PPP1R8: variants seen among roughly 807,000 people sequenced by gnomAD.
The protein encoded by PPP1R8 is nuclear inhibitor of protein phosphatase 1.
Under a neutral mutation model 31.3 loss-of-function variants are expected in PPP1R8, and 4 were observed. The observed-to-expected ratio is 0.13, with a 90% confidence interval of 0.06 to 0.29. The LOEUF is 0.29. Among genes scored for constraint, PPP1R8 ranks in the 10% least tolerant of loss-of-function variants. The probability of loss-of-function intolerance (pLI) is 1.00; values close to 1 mark genes in which losing one functional copy is unlikely to be tolerated. For missense variants in PPP1R8, 254 were observed against 440.1 expected, an observed-to-expected ratio of 0.58 and a Z score of 3.78; for synonymous variants, 170 against 169.7, an observed-to-expected ratio of 1.00 and a Z score of -0.01.
At chr1:27,831,470 G>T in intron 1 of PPP1R8, 1 of 555,762 alleles carries the variant, frequency 1.8e-6, no homozygotes, top group Non-Finnish European at 2.3e-6. Context: ...GAAAGTTCTT[G>T]GGAATAATGA....
chr1:27,848,996 C>G (rs566361092), intron 6 of PPP1R8, among the ~76,000 whole-genome samples: 13 of 152,316 alleles, frequency 8.5e-5, no homozygotes, highest in African/African-American at 2.9e-4. Context: ...TAGCCCTTTG[C>G]AGCAGCCCAC....
At chr1:27,839,758 G>T (rs761788401) in intron 3 of PPP1R8, among the ~76,000 whole-genome samples, 6 of 151,698 alleles carry the variant, frequency 4.0e-5, no homozygotes, top group Non-Finnish European at 8.8e-5. Context: ...AATAATACCA[G>T]TTTTAATTCC....
chr1:27,836,635 G>A (rs2089168937), intron 2 of PPP1R8, among the ~76,000 whole-genome samples: 1 of 152,092 alleles, frequency 6.6e-6, no homozygotes, highest in African/African-American at 2.4e-5. Flanking sequence ...AGCCAGGATG[G>A]TTTTGATCTC....
intron 4 of PPP1R8, among the ~76,000 whole-genome samples, chr1:27,842,665 G>A: frequency 6.6e-6 from 1 of 152,154 alleles, no homozygotes; most frequent in Non-Finnish European, 1.5e-5. Flanking sequence ...GACACAGGAT[G>A]GGGCATGACA....
intron 3 of PPP1R8, among the ~76,000 whole-genome samples, chr1:27,840,083 A>G (rs1404668331): frequency 4.6e-5 from 7 of 152,174 alleles, no homozygotes; most frequent in Non-Finnish European, 1.5e-5. Flanking sequence ...AAAATACTCC[A>G]TAAGTATTAA....
intron 6 of PPP1R8, 24 bp from the exon 7 acceptor site, chr1:27,850,069 C>A: frequency 6.6e-7 from 1 of 1,524,976 alleles, no homozygotes; most frequent in South Asian, 1.3e-5. Context: ...CCAATCTCTC[C>A]CCTCTCCTCA....
intron 1 of PPP1R8, chr1:27,831,230 G>T (rs888603492): frequency 3.8e-6 from 4 of 1,066,446 alleles, no homozygotes; most frequent in Non-Finnish European, 3.4e-6. Flanking sequence ...GTGGAGCATC[G>T]CATCTGGCCC....
chr1:27,839,668 G>A (rs973255475), intron 3 of PPP1R8, among the ~76,000 whole-genome samples: 1 of 152,208 alleles, frequency 6.6e-6, no homozygotes, highest in African/African-American at 2.4e-5. Context: ...CAGCAACATA[G>A]GGCATTTTAA....
chr1:27,838,610 T>C (rs2089193702), intron 2 of PPP1R8, 89 bp from the exon 3 acceptor site: 1 of 833,514 alleles, frequency 1.2e-6, no homozygotes, highest in African/African-American at 1.8e-5. Context: ...AAAGGAATTT[T>C]ATCTACTCAA....
chr1:27,837,106 CT>C (rs1207726871), intron 2 of PPP1R8, among the ~76,000 whole-genome samples: 4 of 151,906 alleles, frequency 2.6e-5, no homozygotes, highest in Non-Finnish European at 5.9e-5. Context: ...CCAACAGAAC[CT>C]TTTTTCAGAA....
At chr1:27,848,617 AT>A (rs1031735572) in intron 6 of PPP1R8, among the ~76,000 whole-genome samples, 2 of 152,146 alleles carry the variant, frequency 1.3e-5, no homozygotes, top group African/African-American at 4.8e-5. Flanking sequence ...TAAAAAAAAA[AT>A]CTCTAAAATA....
Position 27,835,390 on chromosome 1 carries a change from C to G in PPP1R8, c.117+2574C>G, listed in dbSNP as rs545913192. ...CTCTCTCTTAATCCTGAAATAATGT[C>G]TTATTTTTAACTCAAGTCTTAAAAA... On this transcript the variant is annotated intron_variant, in intron 2 of 6. Coordinates refer to ENST00000311772, the MANE Select transcript of PPP1R8 (RefSeq NM_014110.5). Among the ~76,000 whole-genome samples, 74 of 152,296 alleles carry G rather than the reference C, an allele frequency of 4.9e-4. 1 individual carries two copies. In the South Asian group the frequency reaches 0.014, roughly 30 times the overall value.
chr1:27,840,857 A>G (rs2089215805), intron 3 of PPP1R8, among the ~76,000 whole-genome samples, 157 bp from the exon 4 acceptor site: 1 of 152,168 alleles, frequency 6.6e-6, no homozygotes, highest in Admixed American at 6.6e-5. Context: ...GATCCTGACT[A>G]TGGCATTTTT....
At position 27,840,871 on chromosome 1, in the gene PPP1R8, ATAAAT is replaced by A. The variant is rs374744327; in HGVS notation, c.272-138_272-134del. 12 of 796,410 alleles carry A rather than the reference ATAAAT, an allele frequency of 1.5e-5. No homozygotes were observed. The African/African-American group carries it at 1.7e-4, about 11-fold the overall frequency. The allele number at this position is 796,410 out of a possible 1,614,324, so 49.3% of individuals were successfully genotyped here. A position where few individuals can be genotyped will look rare whatever the true frequency, so the allele number is the denominator to read the frequency against. ...TGATCCTGACTATGGCATTTTTAAA[ATAAAT>A]TAAAAACAGACAAAAAAGCAAAACT... On this transcript the variant is annotated intron_variant, in intron 3 of 6. Coordinates refer to ENST00000311772, the MANE Select transcript of PPP1R8 (RefSeq NM_014110.5).
intron 5 of PPP1R8, 103 bp from the exon 6 acceptor site, chr1:27,846,925 A>G (rs1571556288): frequency 8.0e-6 from 8 of 1,003,934 alleles, no homozygotes; most frequent in Admixed American, 1.8e-5. Flanking sequence ...GTGTTTTACA[A>G]TTTTAATATG....
At chr1:27,834,527 T>C (rs1379480718) in intron 2 of PPP1R8, 1 of 518,818 alleles carries the variant, frequency 1.9e-6, no homozygotes, top group African/African-American at 1.9e-5. Flanking sequence ...AAGCCCAGTG[T>C]GTAAAGATAC....
rs1557814764 is a variant in PPP1R8, at chr1:27,832,771, T to C, written c.72T>C (p.Pro24=). ...TATTTTTCAGGGCAGGTAAGCCCCC[T>C]CCCGGTTTACATCTGGATGTAGTCA... ...FDCPTWAGKP[P]PGLHLDVVKG... The change falls in exon 2 of 7, where the codon CCT becomes CCC. Residue 24 remains proline (P), a synonymous_variant. Transcript: ENST00000311772. The C allele has an allele frequency of 1.9e-6, 3 of 1,611,196 alleles. No homozygotes were observed. Among genetic ancestry groups the C allele is most frequent in the Non-Finnish European group, 2.5e-6 (3 of 1,178,570 alleles).
intron 2 of PPP1R8, among the ~76,000 whole-genome samples, chr1:27,834,197 A>C (rs1011554850): frequency 6.6e-6 from 1 of 152,164 alleles, no homozygotes; most frequent in Non-Finnish European, 1.5e-5. Flanking sequence ...TCCTTTGTGG[A>C]ATAATTGGTA....
intron 5 of PPP1R8, among the ~76,000 whole-genome samples, chr1:27,846,024 T>C (rs2089277002): frequency 6.6e-6 from 1 of 152,048 alleles, no homozygotes; most frequent in Non-Finnish European, 1.5e-5. Context: ...CCTCCTGACC[T>C]CATGATCTGC....
Sources: allele counts gnomAD v4.1 joint callset (sites outside exome capture counted in the v4.1 genomes callset), GRCh38; gene constraint gnomAD v4.1.1; transcripts MANE v1.5; gene names NCBI Gene and HGNC (gene_info 2026-07-23, HGNC 2026-07-21).